Variants in DLGAP5 observed in about 807,000 individuals in gnomAD.
DLGAP5 encodes the protein DLG associated protein 5, also known as disks large-associated protein 5.
A neutral mutation model predicts 99.6 loss-of-function variants in DLGAP5; 90 were observed. The ratio of observed to expected loss-of-function variants is 0.90; its 90% CI spans 0.76 to 1.08. The LOEUF is 1.08. DLGAP5 is among the 50% of genes least tolerant of loss of function. The pLI, the probability that DLGAP5 is intolerant of heterozygous loss-of-function variation, is 0.00. For missense variants in DLGAP5, 1,036 were observed against 983.5 expected, an observed-to-expected ratio of 1.05 and a Z score of -0.71; for synonymous variants, 311 against 321.3, an observed-to-expected ratio of 0.97 and a Z score of 0.34.
intron 15 of DLGAP5, 79 bp downstream of exon 15, chr14:55,154,537 AC>A: frequency 8.4e-7 from 1 of 1,185,972 alleles, no homozygotes; most frequent in Non-Finnish European, 1.2e-6. Flanking sequence ...TATGTCTGGC[AC>A]CTTTTACCAT....
At chr14:55,149,701 G>A (rs945959787) in intron 18 of DLGAP5, among the ~76,000 whole-genome samples, 14 of 151,730 alleles carry the variant, frequency 9.2e-5, no homozygotes, top group Non-Finnish European at 2.1e-4. Flanking sequence ...TAAACCATAA[G>A]AATCACTTGA....
At chr14:55,173,601 C>CTA (rs1555329004) in intron 10 of DLGAP5, among the ~76,000 whole-genome samples, 22 of 142,610 alleles carry the variant, frequency 1.5e-4, no homozygotes, top group African/African-American at 4.6e-4. Flanking sequence ...CTCTCTCTCT[C>CTA]TCTATATATA....
intron 10 of DLGAP5, among the ~76,000 whole-genome samples, chr14:55,172,587 G>A (rs777063273): frequency 3.2e-4 from 48 of 151,980 alleles, no homozygotes; most frequent in Non-Finnish European, 5.9e-4. Flanking sequence ...GCGAGACACT[G>A]CACTCCAGCC....
chr14:55,182,047 G>A (rs1252946340), intron 4 of DLGAP5, among the ~76,000 whole-genome samples: 4 of 152,172 alleles, frequency 2.6e-5, no homozygotes, highest in South Asian at 4.1e-4. Context: ...TTGAAGACCC[G>A]TAAGTTTATA....
intron 13 of DLGAP5, among the ~76,000 whole-genome samples, chr14:55,159,922 G>A (rs1882357747): frequency 1.3e-5 from 2 of 152,168 alleles, no homozygotes; most frequent in East Asian, 1.9e-4. Context: ...AAGGAAGTAG[G>A]CCAGGTACAG....
intron 12 of DLGAP5, among the ~76,000 whole-genome samples, chr14:55,165,150 C>G (rs1306474381): frequency 6.6e-6 from 1 of 152,070 alleles, no homozygotes; most frequent in Non-Finnish European, 1.5e-5. Context: ...ACACAGACAT[C>G]TCAGTAAAAG....
intron 5 of DLGAP5, 145 bp downstream of exon 5, chr14:55,181,068 T>C (rs1883256369): frequency 1.3e-6 from 1 of 793,052 alleles, no homozygotes; most frequent in Non-Finnish European, 2.0e-6. Context: ...TGAGCTATGA[T>C]TGTGCCACTG....
chr14:55,151,578 T>C, intron 17 of DLGAP5, 117 bp downstream of exon 17: 2 of 1,151,948 alleles, frequency 1.7e-6, no homozygotes, highest in South Asian at 1.7e-5. Context: ...TCACTAACAA[T>C]GAAGGATCCT....
intron 1 of DLGAP5, among the ~76,000 whole-genome samples, chr14:55,190,713 C>T (rs1247629484): frequency 6.6e-6 from 1 of 152,098 alleles, no homozygotes; most frequent in African/African-American, 2.4e-5. Context: ...ATATAAAAAA[C>T]GAGAATCTGT....
intron 10 of DLGAP5, among the ~76,000 whole-genome samples, chr14:55,171,058 TTC>T (rs1313859571): frequency 6.6e-6 from 1 of 152,230 alleles, no homozygotes; most frequent in Non-Finnish European, 1.5e-5. Flanking sequence ...TTCTAGTTTG[TTC>T]TGTTCTTTTT....
chr14:55,151,966 T>C (rs754422945), intron 16 of DLGAP5, 25 bp from the exon 17 acceptor site: 2 of 1,588,554 alleles, frequency 1.3e-6, no homozygotes, highest in South Asian at 2.3e-5. Flanking sequence ...GGCATTATAT[T>C]TAATTATCAA....
chr14:55,182,490 A>T, intron 3 of DLGAP5, 58 bp from the exon 4 acceptor site: 1 of 1,409,922 alleles, frequency 7.1e-7, no homozygotes, highest in South Asian at 1.3e-5. Flanking sequence ...GTTTACTTCC[A>T]TATCTTATTA....
chr14:55,151,605 T>C, intron 17 of DLGAP5, 90 bp downstream of exon 17: 1 of 1,305,854 alleles, frequency 7.7e-7, no homozygotes, highest in African/African-American at 1.5e-5. Flanking sequence ...TTAGATCTAA[T>C]GTAAAATGGA....
chr14:55,184,435 A>G (rs138802483), intron 2 of DLGAP5, among the ~76,000 whole-genome samples: 1 of 152,288 alleles, frequency 6.6e-6, no homozygotes, highest in East Asian at 1.9e-4. Flanking sequence ...ATAGGCATTT[A>G]TTACTTCACT....
chr14:55,148,703 A>G, intron 18 of DLGAP5: 2 of 719,204 alleles, frequency 2.8e-6, no homozygotes, highest in Non-Finnish European at 4.6e-6. Context: ...CAAACAAACA[A>G]GAAACACGTA....
rs1229166388 is a variant in DLGAP5 at position 55,175,491 on chromosome 14, C to A, written c.1175-19G>T. 1.7e-6 allele frequency: 2 copies of A among 1,177,258 alleles called. No homozygotes were observed. The highest frequency in any genetic ancestry group is 2.9e-5 in the South Asian group (2 of 70,160). The allele number at this position is 1,177,258 out of a possible 1,614,324, so 72.9% of individuals were successfully genotyped here. A position where few individuals can be genotyped will look rare whatever the true frequency, so the allele number is the denominator to read the frequency against. ...ACATGTTCTATAAATTAAAGAAAATCTTACATATAAATTTCAAAGCAACAA... is the reference window on the plus strand; with the variant it reads ...ACATGTTCTATAAATTAAAGAAAATATTACATATAAATTTCAAAGCAACAA... On this transcript the variant is annotated intron_variant, in intron 9 of 18. Transcript: ENST00000247191.
In DLGAP5 at chr14:55,169,921, G is replaced by A. The variant is rs189252486; in HGVS notation, c.1388-362C>T. On this transcript the variant is annotated intron_variant, in intron 11 of 18. Transcript: ENST00000247191. ...AGGCCAAGGTGGGCGGCTCACCTGA[G>A]GTCAGGAGTTCGAGACCAGCCTGGC... Among the ~76,000 whole-genome samples, 543 of 152,272 alleles carry A rather than the reference G, an allele frequency of 3.6e-3. 3 individuals carry two copies. Among genetic ancestry groups the A allele is most frequent in the Middle Eastern group, 0.01 (3 of 294 alleles).
At chr14:55,187,586 G>C (rs1883474566) in intron 2 of DLGAP5, among the ~76,000 whole-genome samples, 1 of 151,722 alleles carries the variant, frequency 6.6e-6, no homozygotes, top group African/African-American at 2.4e-5. Context: ...CAAAGTGCTG[G>C]GATTACAGGC....
At chr14:55,158,416 T>G in intron 14 of DLGAP5, 106 bp downstream of exon 14, 1 of 883,288 alleles carries the variant, frequency 1.1e-6, no homozygotes, top group Non-Finnish European at 1.7e-6. Flanking sequence ...TGTCTCTTCA[T>G]GTAAAAAACT....
Sources: gnomAD v4.1 joint callset for allele counts (sites outside exome capture counted in the v4.1 genomes callset) on GRCh38, gnomAD v4.1.1 for gene constraint, MANE v1.5 for transcripts, NCBI Gene and HGNC (gene_info 2026-07-23, HGNC 2026-07-21) for gene names.